The following PFKP variants were observed in gnomAD, a reference collection of about 807,000 sequenced individuals.
The protein encoded by PFKP is ATP-dependent 6-phosphofructokinase, platelet type.
Under a neutral mutation model 94.3 loss-of-function variants are expected in PFKP, and 101 were observed. The observed-to-expected ratio is 1.07, with a 90% CI of 0.91 to 1.26. PFKP has a LOEUF of 1.26. Ranked by LOEUF, PFKP falls within the 50% of genes most tolerant of loss-of-function variation. PFKP has a pLI of 0.00. For missense variants in PFKP, 1,145 were observed against 1,103.3 expected (o/e 1.04, Z -0.53); for synonymous variants, 573 against 432.6 (o/e 1.32, Z -4.03).
chr10:3,120,109 T>C, intron 16 of PFKP, 65 bp downstream of exon 16: 3 of 1,366,584 alleles, frequency 2.2e-6, no homozygotes, highest in Non-Finnish European at 3.1e-6. Flanking sequence ...CCCGGCCCTT[T>C]TTATCTACCA....
Position 3,129,946 on chromosome 10 carries a change from A to G in PFKP, c.1811A>G (p.Tyr604Cys). The G allele has an allele frequency of 6.2e-7, 1 of 1,601,986 alleles. No homozygotes were observed. Among genetic ancestry groups the G allele is most frequent in the Non-Finnish European group, 8.5e-7 (1 of 1,173,256 alleles). The change falls in exon 17 of 22, where the codon TAC (tyrosine) becomes TGC (cysteine). Residue 604 changes from tyrosine (Y) to cysteine (C), a missense_variant. Tyr to Cys is a radical substitution (Grantham distance 194, BLOSUM62 -2). Around this residue, in one of 3 missense-constraint regions of PFKP, gnomAD observed 1,119 missense variants for 1,062.8 expected, o/e 1.05. Transcript: ENST00000381125. ...GGLAAGADAA[Y>C]IFEEPFDIRD... ...CTCGCGGCCGGAGCTGATGCCGCAT[A>G]CATTTTCGAAGAGCCCTTCGACATC...
At chr10:3,133,730 C>A (rs536639855) in intron 19 of PFKP, among the ~76,000 whole-genome samples, 30 of 152,212 alleles carry the variant, frequency 2.0e-4, no homozygotes, top group Non-Finnish European at 3.8e-4. Flanking sequence ...TGTGCCCAGC[C>A]AAAACATCTG....
rs770463858 is a variant in PFKP, at chr10:3,101,472, G to C, written c.372G>C (p.Val124=). 3 of 1,605,940 alleles carry C rather than the reference G, an allele frequency of 1.9e-6. No homozygotes were observed. The highest frequency in any genetic ancestry group is 2.2e-5 in the South Asian group (2 of 90,102). The change falls in exon 4 of 22, where the codon GTG becomes GTC. Residue 124 remains valine (V), a synonymous_variant. Transcript: ENST00000381125. ...LLQRGITNLC[V]IGGDGSLTGA... ...AGCGCGGCATCACCAACCTGTGTGTGATCGGCGGGGACGGGAGCCTCACCG... is the reference window on the plus strand; with the variant it reads ...AGCGCGGCATCACCAACCTGTGTGTCATCGGCGGGGACGGGAGCCTCACCG...
At chr10:3,125,286 CATTT>C (rs1279227348) in intron 16 of PFKP, 2 of 1,240,010 alleles carry the variant, frequency 1.6e-6, no homozygotes, top group South Asian at 2.8e-5. Context: ...GCTTTTCCGT[CATTT>C]ATTTTAGCAA....
In PFKP at chr10:3,093,925, G is replaced by T. The variant is rs539106043; in HGVS notation, c.187-5350G>T. Among the ~76,000 whole-genome samples the T allele has an allele frequency of 1.1e-4, 17 of 152,312 alleles. No homozygotes were observed. The South Asian group carries it at 3.3e-3, about 30-fold the overall frequency. On this transcript the variant is annotated intron_variant, in intron 2 of 21. Transcript: ENST00000381125. The stretch of plus-strand genomic sequence containing the variant: ...CCCAAAGTGCTGGGATTACAGGCGT[G>T]AGCCACCGCATCTGTCGTAGCATTA...
chr10:3,077,998 T>TA (rs1832748879), intron 1 of PFKP, among the ~76,000 whole-genome samples: 1 of 152,240 alleles, frequency 6.6e-6, no homozygotes, highest in Non-Finnish European at 1.5e-5. Context: ...AGGAAGATGT[T>TA]ATTTTCTCCT....
At chr10:3,101,140 C>T (rs1834958450) in intron 3 of PFKP, 1 of 781,070 alleles carries the variant, frequency 1.3e-6, no homozygotes. Flanking sequence ...TCTGCACCCT[C>T]CCTGGCTCCT....
At chr10:3,108,287 C>T (rs752569447) in intron 8 of PFKP, among the ~76,000 whole-genome samples, 5 of 152,236 alleles carry the variant, frequency 3.3e-5, no homozygotes, top group Admixed American at 2.0e-4. Flanking sequence ...GCGAGGGGAA[C>T]GCCTTGATTG....
At chr10:3,107,153 T>C (rs1313550355) in intron 7 of PFKP, 61 bp from the exon 8 acceptor site, 6 of 1,022,330 alleles carry the variant, frequency 5.9e-6, no homozygotes, top group Non-Finnish European at 9.3e-6. Flanking sequence ...TGTGGTTTTG[T>C]TGCATTTGTT....
intron 16 of PFKP, among the ~76,000 whole-genome samples, chr10:3,124,866 G>A (rs946230046): frequency 1.3e-5 from 2 of 152,196 alleles, no homozygotes; most frequent in African/African-American, 2.4e-5. Context: ...CTGCCTGCAG[G>A]CACCCCCTTT....
At chr10:3,069,179 G>T in intron 1 of PFKP, 1 of 1,210,430 alleles carries the variant, frequency 8.3e-7, no homozygotes. Context: ...GCAGCGCCAG[G>T]CCCCGCCCCG....
At chr10:3,127,448 C>T (rs539981206) in intron 16 of PFKP, among the ~76,000 whole-genome samples, 6 of 152,324 alleles carry the variant, frequency 3.9e-5, no homozygotes, top group African/African-American at 1.4e-4. Flanking sequence ...TAATTCCCCA[C>T]CTCAGGGTGG....
At chr10:3,076,993 G>A (rs1488842575) in intron 1 of PFKP, among the ~76,000 whole-genome samples, 2 of 152,168 alleles carry the variant, frequency 1.3e-5, no homozygotes, top group African/African-American at 2.4e-5. Context: ...AAGGAACTTT[G>A]GCAGCAGTAG....
Position 3,108,805 on chromosome 10 carries a change from AG to A in PFKP, c.963+15del. 6.3e-7 allele frequency: 1 copy of A among 1,575,646 alleles called. No homozygotes were observed. Among genetic ancestry groups the A allele is most frequent in the Non-Finnish European group, 8.7e-7 (1 of 1,145,098 alleles). On this transcript the variant is annotated intron_variant, in intron 9 of 21. Coordinates refer to ENST00000381125, the MANE Select transcript of PFKP (RefSeq NM_002627.5). ...TCGACAGGATCTTGGTGAGTTGGGA[AG>A]GGTTGGGCATCTTCACAAGGTCTCT...
chr10:3,102,877 C>T (rs1835154893), intron 4 of PFKP, among the ~76,000 whole-genome samples: 1 of 152,248 alleles, frequency 6.6e-6, no homozygotes, highest in Admixed American at 6.5e-5. Flanking sequence ...AGCCAGGCCT[C>T]ACGGTTCCCG....
rs1837448478 is a variant in PFKP, at chr10:3,121,811, T to TTC, written c.1683+1768_1683+1769insCT. On this transcript the variant is annotated intron_variant, in intron 16 of 21. Transcript: ENST00000381125. ...ACAATTTCTTTTTTTTTCTTTTTTT[T>TTC]TTTTTTTTTTTTTTTTTTTCTTTTT... is the stretch of plus-strand genomic sequence containing the variant. 5.6e-5 allele frequency among the ~76,000 whole-genome samples: 2 copies of TTC among 35,576 alleles called. 1 individual carries two copies. 23.3% of individuals were successfully genotyped at this position (35,576 alleles called of 152,430 possible). A position where few individuals can be genotyped will look rare whatever the true frequency, so the allele number is the denominator to read the frequency against.
intron 5 of PFKP, 30 bp from the exon 6 acceptor site, chr10:3,105,085 T>A (rs1006945705): frequency 1.2e-6 from 2 of 1,610,380 alleles, no homozygotes; most frequent in African/African-American, 2.7e-5. Flanking sequence ...TTCTGAGCTG[T>A]GTCCGGGGCT....
chr10:3,118,567 T>C (rs966815300), intron 14 of PFKP, among the ~76,000 whole-genome samples: 1 of 152,380 alleles, frequency 6.6e-6, no homozygotes, highest in Middle Eastern at 3.4e-3. Context: ...AAATGCTTTA[T>C]TCCATTTTCT....
intron 7 of PFKP, 109 bp downstream of exon 7, chr10:3,105,610 C>G (rs555296831): frequency 1.3e-6 from 1 of 753,422 alleles, no homozygotes; most frequent in African/African-American, 1.7e-5. Context: ...TTCTCTGTCT[C>G]CAGTTTGTCA....
Sources: allele counts gnomAD v4.1 joint callset (sites outside exome capture counted in the v4.1 genomes callset), GRCh38; gene constraint gnomAD v4.1.1; regional missense constraint gnomAD v4.1.1; transcripts MANE v1.5; gene names NCBI Gene and HGNC (gene_info 2026-07-23, HGNC 2026-07-21).